NOL10: variants seen among roughly 807,000 people sequenced by gnomAD.
NOL10 encodes the protein nucleolar protein 10.
In NOL10, 58 loss-of-function variants were observed where a neutral mutation model predicts 103.5. The ratio of observed to expected loss-of-function variants is 0.56; its 90% CI spans 0.45 to 0.70. The LOEUF is 0.70. NOL10 is among the 30% of genes least tolerant of loss of function. The pLI is 0.00. For synonymous variants in NOL10, 287 were observed against 282.5 expected, an observed-to-expected ratio of 1.02 and a Z score of -0.16; for missense variants, 763 against 807.3, an observed-to-expected ratio of 0.95 and a Z score of 0.67.
chr2:10,585,310 G>T (rs904066443), intron 19 of NOL10, among the ~76,000 whole-genome samples: 1 of 152,158 alleles, frequency 6.6e-6, no homozygotes, highest in Non-Finnish European at 1.5e-5. Flanking sequence ...ACACATAACA[G>T]CTGTATAAAA....
intron 13 of NOL10, chr2:10,622,189 T>C (rs1183369582): frequency 4.2e-6 from 2 of 470,696 alleles, no homozygotes; most frequent in East Asian, 1.4e-4. Context: ...CACAGGAAAC[T>C]ATGTAAATAA....
At chr2:10,588,772 T>C (rs1343682677) in intron 19 of NOL10, among the ~76,000 whole-genome samples, 1 of 152,216 alleles carries the variant, frequency 6.6e-6, no homozygotes, top group Non-Finnish European at 1.5e-5. Flanking sequence ...TGTATTTTAC[T>C]GCATGTAAAC....
chr2:10,572,836 T>A (rs1572213331), intron 20 of NOL10, among the ~76,000 whole-genome samples: 2 of 152,234 alleles, frequency 1.3e-5, no homozygotes, highest in African/African-American at 4.8e-5. Context: ...ATGTGGACTC[T>A]CGGGCTGACT....
At chr2:10,624,389 C>G (rs1677333832) in intron 13 of NOL10, among the ~76,000 whole-genome samples, 1 of 151,788 alleles carries the variant, frequency 6.6e-6, no homozygotes, top group African/African-American at 2.4e-5. Context: ...TGGAGCAGAA[C>G]AGAGGGATTT....
intron 8 of NOL10, 87 bp from the exon 9 acceptor site, chr2:10,663,131 C>T: frequency 9.8e-7 from 1 of 1,020,020 alleles, no homozygotes; most frequent in Non-Finnish European, 1.5e-6. Flanking sequence ...CTTTGGGAGG[C>T]CGAGGCGGGC....
chr2:10,638,330 GACGTAACGTAACGTA>G (rs3061339), intron 13 of NOL10, among the ~76,000 whole-genome samples: 1,216 of 92,720 alleles, frequency 0.013, 29 homozygotes, highest in African/African-American at 0.055. Context: ...GACGTGACGT[GACGTAACGTAACGTA>G]ACGTAACGTA....
chr2:10,621,230 G>A (rs747083556), intron 13 of NOL10, among the ~76,000 whole-genome samples: 27 of 152,072 alleles, frequency 1.8e-4, no homozygotes, highest in Non-Finnish European at 1.3e-4. Context: ...AACTCATAAG[G>A]AAAAGAAAGT....
intron 17 of NOL10, among the ~76,000 whole-genome samples, chr2:10,590,334 T>G (rs1675329261): frequency 6.6e-6 from 1 of 152,188 alleles, no homozygotes; most frequent in African/African-American, 2.4e-5. Flanking sequence ...CTTGAATTCT[T>G]GGGCTCAAGC....
At chr2:10,651,183 T>C (rs747073391) in intron 12 of NOL10, among the ~76,000 whole-genome samples, 2 of 152,168 alleles carry the variant, frequency 1.3e-5, no homozygotes, top group Non-Finnish European at 2.9e-5. Context: ...GGCCAACAGA[T>C]TGGCACTCAT....
At chr2:10,573,611 T>C (rs939032502) in intron 20 of NOL10, among the ~76,000 whole-genome samples, 3 of 150,266 alleles carry the variant, frequency 2.0e-5, no homozygotes, top group African/African-American at 7.4e-5. Context: ...AATTGAAGAG[T>C]TGCAAGTGAG....
chr2:10,607,097 A>G (rs1334431939), intron 14 of NOL10, 88 bp downstream of exon 14: 4 of 832,968 alleles, frequency 4.8e-6, no homozygotes, highest in Non-Finnish European at 6.9e-6. Context: ...TGAGGTAAAC[A>G]TGGCTCAGCC....
chr2:10,602,237 C>T (rs756789039), intron 16 of NOL10, among the ~76,000 whole-genome samples: 2 of 152,234 alleles, frequency 1.3e-5, no homozygotes, highest in Non-Finnish European at 2.9e-5. Flanking sequence ...CAGGCTGTTC[C>T]GCAGCTCTGA....
At chr2:10,678,167 G>A (rs1681460109) in intron 3 of NOL10, among the ~76,000 whole-genome samples, 1 of 151,928 alleles carries the variant, frequency 6.6e-6, no homozygotes, top group Non-Finnish European at 1.5e-5. Context: ...TCCTGCCTCT[G>A]CCTCGTGAGT....
intron 1 of NOL10, among the ~76,000 whole-genome samples, chr2:10,687,848 G>A (rs993075986): frequency 6.6e-6 from 1 of 152,192 alleles, no homozygotes; most frequent in Non-Finnish European, 1.5e-5. Context: ...AGCTACTGGG[G>A]AGGCTGAGGC....
At chr2:10,582,818 CCTA>C (rs1393880450) in intron 19 of NOL10, among the ~76,000 whole-genome samples, 1 of 152,184 alleles carries the variant, frequency 6.6e-6, no homozygotes, top group African/African-American at 2.4e-5. Flanking sequence ...GTCTTCTCTG[CCTA>C]CTAACAAATC....
chr2:10,657,864 T>C lies in NOL10; in HGVS notation c.784A>G (p.Lys262Glu). The C allele has an allele frequency of 6.5e-7, 1 of 1,546,292 alleles. No homozygotes were observed. The highest frequency in any genetic ancestry group is 8.7e-7 in the Non-Finnish European group (1 of 1,145,048). Residue 262 changes from lysine (K) to glutamate (E), a missense_variant, in exon 11 of 21, where the codon AAG (lysine) becomes GAG (glutamate). Lys to Glu is a moderately conservative substitution (Grantham distance 56). Transcript: ENST00000381685. ...QVLLYDLRSDKPLLVKDHQYG... is the reference protein window; with the variant it reads ...QVLLYDLRSDEPLLVKDHQYG... ...TGGTGATCTTTAACTAGCAATGGCTTATCAGATCGAAGGTCATATAATAAA... is the reference window on the plus strand; with the variant it reads ...TGGTGATCTTTAACTAGCAATGGCTCATCAGATCGAAGGTCATATAATAAA...
chr2:10,600,707 A>G, intron 17 of NOL10, 146 bp downstream of exon 17: 1 of 578,754 alleles, frequency 1.7e-6, no homozygotes, highest in Non-Finnish European at 3.1e-6. Flanking sequence ...TATTTTCCAG[A>G]CTTCCCATCT....
At chr2:10,651,646 C>T (rs532628390) in intron 12 of NOL10, among the ~76,000 whole-genome samples, 2 of 152,182 alleles carry the variant, frequency 1.3e-5, no homozygotes, top group East Asian at 3.9e-4. Context: ...TCTTTCTCTC[C>T]CAACTCTCTG....
intron 12 of NOL10, among the ~76,000 whole-genome samples, 168 bp downstream of exon 12, chr2:10,654,313 G>A (rs998978129): frequency 2.0e-5 from 3 of 152,144 alleles, no homozygotes; most frequent in Admixed American, 1.3e-4. Context: ...ATTCTTCTAA[G>A]TAAGTTAAAT....
Sources: allele counts gnomAD v4.1 joint callset (sites outside exome capture counted in the v4.1 genomes callset), GRCh38; gene constraint gnomAD v4.1.1; transcripts MANE v1.5; gene names NCBI Gene and HGNC (gene_info 2026-07-23, HGNC 2026-07-21).